Variants in KAZN observed in about 807,000 individuals in gnomAD.
KAZN encodes kazrin.
Under a neutral mutation model 87.4 loss-of-function variants are expected in KAZN, and 40 were observed. The ratio of observed to expected loss-of-function variants is 0.46; its 90% CI spans 0.36 to 0.60. The LOEUF (loss-of-function observed/expected upper bound fraction) is 0.60, where lower values mean the gene tolerates loss of function less well. Among genes scored for constraint, KAZN ranks in the 20% least tolerant of loss-of-function variants. The pLI, the probability that KAZN is intolerant of heterozygous loss-of-function variation, is 0.00. For synonymous variants in KAZN, 466 were observed against 458.3 expected, an observed-to-expected ratio of 1.02 and a Z score of -0.22; for missense variants, 898 against 1,073.9, an observed-to-expected ratio of 0.84 and a Z score of 2.29.
chr1:14,278,063 A>G (rs574847812), intron 2 of KAZN, among the ~76,000 whole-genome samples: 1 of 149,606 alleles, frequency 6.7e-6, no homozygotes, highest in East Asian at 2.1e-4. Context: ...CCAGCTACTC[A>G]GGAGGCTGAG....
Position 14,514,637 on chromosome 1 carries a change from A to G in KAZN, c.250-84346A>G, listed in dbSNP as rs866439294. Among the ~76,000 whole-genome samples the G allele has an allele frequency of 1.0e-3, 66 of 64,404 alleles. No individual in the cohort carries two copies. The South Asian group carries it at 0.023, about 23-fold the overall frequency. The allele number at this position is 64,404 out of a possible 152,430, so 42.3% of individuals were successfully genotyped here. A position where few individuals can be genotyped will look rare whatever the true frequency, so the allele number is the denominator to read the frequency against. ...TATATATATATATATATATATATAT[A>G]TATCTCAAATTGCAAAAGTATAGCA... is the stretch of plus-strand genomic sequence containing the variant. On this transcript the variant is annotated intron_variant, in intron 2 of 16. Coordinates refer to the KAZN transcript ENST00000636203.
chr1:14,744,756 T>G (rs550553953), intron 1 of KAZN, among the ~76,000 whole-genome samples: 1 of 152,070 alleles, frequency 6.6e-6, no homozygotes, highest in African/African-American at 2.4e-5. Flanking sequence ...TTTAAAAAAG[T>G]GTAACATGCA....
chr1:14,466,314 C>T (rs1425237128), intron 2 of KAZN, among the ~76,000 whole-genome samples: 2 of 144,818 alleles, frequency 1.4e-5, no homozygotes, highest in Non-Finnish European at 3.1e-5. Flanking sequence ...AGGAATTGAA[C>T]TTCAAGTTTT....
intron 2 of KAZN, among the ~76,000 whole-genome samples, chr1:14,407,436 G>C (rs1336913586): frequency 6.6e-6 from 1 of 152,214 alleles, no homozygotes; most frequent in Non-Finnish European, 1.5e-5. Flanking sequence ...TCTTGTGGTG[G>C]TAAATGGGGG....
chr1:14,550,738 T>TCTCTCTCC (rs1329797253), intron 2 of KAZN, among the ~76,000 whole-genome samples: 3 of 37,984 alleles, frequency 7.9e-5, no homozygotes, highest in Non-Finnish European at 1.1e-4. Flanking sequence ...TCTCTCTCTC[T>TCTCTCTCC]CCCCCACCCC....
intron 13 of KAZN, among the ~76,000 whole-genome samples, chr1:15,109,655 GTGTA>G (rs924922055): frequency 7.1e-4 from 21 of 29,632 alleles, no homozygotes; most frequent in African/African-American, 2.6e-3. Flanking sequence ...TTGTATGTTT[GTGTA>G]TGTGTTTATA....
chr1:14,174,816 G>A (rs554102642), intron 1 of KAZN, among the ~76,000 whole-genome samples: 27 of 152,256 alleles, frequency 1.8e-4, no homozygotes, highest in African/African-American at 6.0e-4. Context: ...ACTGTGACAC[G>A]TGCTTTATAC....
At chr1:14,526,016 A>C (rs982869081) in intron 2 of KAZN, among the ~76,000 whole-genome samples, 1 of 152,200 alleles carries the variant, frequency 6.6e-6, no homozygotes, top group East Asian at 1.9e-4. Context: ...GGAATCCTCA[A>C]TGGATCTCCG....
rs796599628 is a variant in KAZN at position 14,515,823 on chromosome 1, TCTTA to T, written c.250-83156_250-83153del. Among the ~76,000 whole-genome samples the T allele has an allele frequency of 3.4e-4, 51 of 152,226 alleles. 1 individual carries two copies. The highest frequency in any genetic ancestry group is 1.2e-3 in the African/African-American group (49 of 41,532). On this transcript the variant is annotated intron_variant, in intron 2 of 16. Coordinates refer to the KAZN transcript ENST00000636203. ...TGGTTTTCTTCATGGCTCAAATGGTTCTTACTTCTCCTGGAAATGCTTCTGTTCA... is the reference window on the plus strand; with the variant it reads ...TGGTTTTCTTCATGGCTCAAATGGTTCTTCTCCTGGAAATGCTTCTGTTCA...
At position 15,021,155 on chromosome 1, in the gene KAZN, C is replaced by A. The variant is rs1573084893; in HGVS notation, c.419-13594C>A. Among the ~76,000 whole-genome samples the A allele has an allele frequency of 6.6e-6, 1 of 152,134 alleles. No individual in the cohort carries two copies. The highest frequency in any genetic ancestry group is 1.5e-5 in the Non-Finnish European group (1 of 68,024). On this transcript the variant is annotated intron_variant, in intron 2 of 14. Transcript: ENST00000376030. This position sits in a 1 kb window ranked among gnomAD's most constrained non-coding sequence, Gnocchi z 4.2. ...GCCACACAGCATGCGGGTTTGCACCCCAGTGTCCTGCCTCCCTGTCCACCG... is the reference window on the plus strand; with the variant it reads ...GCCACACAGCATGCGGGTTTGCACCACAGTGTCCTGCCTCCCTGTCCACCG...
At chr1:14,439,513 A>G (rs945386066) in intron 2 of KAZN, among the ~76,000 whole-genome samples, 1 of 152,200 alleles carries the variant, frequency 6.6e-6, no homozygotes, top group Non-Finnish European at 1.5e-5. Context: ...TAAAAGCTAA[A>G]GTCTCTAAAT....
chr1:14,600,074 A>G (rs1167349474), intron 1 of KAZN, among the ~76,000 whole-genome samples: 1 of 150,272 alleles, frequency 6.7e-6, no homozygotes, highest in Non-Finnish European at 1.5e-5. Flanking sequence ...TGACTTAGAA[A>G]GTAAAAGGGT....
chr1:14,689,585 C>T (rs187646599), intron 1 of KAZN, among the ~76,000 whole-genome samples: 40 of 152,256 alleles, frequency 2.6e-4, no homozygotes, highest in African/African-American at 5.3e-4. Context: ...GGCAGGATTC[C>T]GTTGACACTG....
chr1:14,624,509 T>A (rs1678964081), intron 1 of KAZN, among the ~76,000 whole-genome samples: 1 of 152,214 alleles, frequency 6.6e-6, no homozygotes, highest in Non-Finnish European at 1.5e-5. Context: ...GTTTACTGTA[T>A]TCTCAAGTTC....
chr1:14,668,630 CAGG>C (rs1010698446), intron 1 of KAZN, among the ~76,000 whole-genome samples: 3 of 152,152 alleles, frequency 2.0e-5, no homozygotes, highest in Non-Finnish European at 2.9e-5. Flanking sequence ...CTCTGTGAAG[CAGG>C]AGGTGTTGCC....
At chr1:14,978,882 C>T (rs1217773587) in intron 2 of KAZN, among the ~76,000 whole-genome samples, 1 of 151,988 alleles carries the variant, frequency 6.6e-6, no homozygotes. Context: ...ATAGGAGGTA[C>T]AGGAAGAGGG....
At chr1:14,472,186 G>A (rs1413918940) in intron 2 of KAZN, among the ~76,000 whole-genome samples, 1 of 152,120 alleles carries the variant, frequency 6.6e-6, no homozygotes, top group Non-Finnish European at 1.5e-5. Context: ...ATCAGGTCCT[G>A]AAAGGCCCCA....
chr1:13,981,093 A>ATATATATACATATATATATATATATATG (rs1553181087), intron 1 of KAZN, among the ~76,000 whole-genome samples: 1 of 78,152 alleles, frequency 1.3e-5, no homozygotes, highest in Non-Finnish European at 2.7e-5. Flanking sequence ...TACTCTTTAT[A>ATATATATACATATATATATATATATATG]TATATATATA....
intron 2 of KAZN, among the ~76,000 whole-genome samples, chr1:14,414,982 C>T (rs1664629366): frequency 1.3e-5 from 2 of 152,102 alleles, no homozygotes; most frequent in Admixed American, 1.3e-4. Flanking sequence ...GCCAAGATCA[C>T]ACCACTGCAC....
Sources: allele counts gnomAD v4.1 joint callset (sites outside exome capture counted in the v4.1 genomes callset), GRCh38; gene constraint gnomAD v4.1.1; non-coding constraint Gnocchi (gnomAD v3.1); transcripts MANE v1.5; gene names NCBI Gene and HGNC (gene_info 2026-07-23, HGNC 2026-07-21).